The following ZC3H12B variants were observed in gnomAD, a reference collection of about 807,000 sequenced individuals.
ZC3H12B encodes zinc finger CCCH-type containing 12B.
In ZC3H12B, 7 loss-of-function variants were observed where a neutral mutation model predicts 43.9. That is an observed-to-expected ratio of 0.16 (90% CI 0.09 to 0.30). The LOEUF (loss-of-function observed/expected upper bound fraction) is 0.30, where lower values mean the gene tolerates loss of function less well. ZC3H12B is among the 10% of genes least tolerant of loss of function. The pLI, the probability that ZC3H12B is intolerant of heterozygous loss-of-function variation, is 1.00. For missense variants in ZC3H12B, 475 were observed against 670.2 expected (o/e 0.71, Z 3.22); for synonymous variants, 222 against 241.7 (o/e 0.92, Z 0.76).
At chrX:65,214,236 A>G in the ZC3H12B span, among the ~76,000 whole-genome samples, 2 of 111,254 alleles carry the variant, frequency 1.8e-5, no homozygotes, top group African/African-American at 3.3e-5. Flanking sequence ...ATTTCTTTAA[A>G]TAAAACAACA....
intron 2 of ZC3H12B, among the ~76,000 whole-genome samples, chrX:65,370,293 A>C (rs1232237093): frequency 1.8e-5 from 2 of 111,044 alleles, no homozygotes; most frequent in African/African-American, 6.6e-5. Context: ...AGATCCCTTC[A>C]TTTGAGGTCA....
At chrX:65,238,130 G>A in the ZC3H12B span, among the ~76,000 whole-genome samples, 3 of 111,574 alleles carry the variant, frequency 2.7e-5, no homozygotes, top group East Asian at 8.4e-4. Flanking sequence ...ATATGGAAGA[G>A]TCCCTCCTCG....
chrX:65,153,907 A>G, the ZC3H12B span, among the ~76,000 whole-genome samples: 1 of 111,306 alleles, frequency 9.0e-6, no homozygotes, highest in Non-Finnish European at 1.9e-5. Flanking sequence ...GCCATAAAAA[A>G]TGATGAGTTC....
At chrX:65,333,043 T>C in the ZC3H12B span, among the ~76,000 whole-genome samples, 1 of 111,758 alleles carries the variant, frequency 8.9e-6, no homozygotes, top group Non-Finnish European at 1.9e-5. Context: ...AGCCATGGTT[T>C]TGTGCCATCA....
chrX:65,325,143 T>A, the ZC3H12B span, among the ~76,000 whole-genome samples: 3 of 111,295 alleles, frequency 2.7e-5, no homozygotes, highest in Non-Finnish European at 5.7e-5. Flanking sequence ...ATGGAATACC[T>A]TTTTCTATTC....
At chrX:65,159,988 G>C in the ZC3H12B span, among the ~76,000 whole-genome samples, 1 of 111,865 alleles carries the variant, frequency 8.9e-6, no homozygotes, top group Admixed American at 9.5e-5. Context: ...GTTGAATTTT[G>C]TCAAAGGCCT....
intron 3 of ZC3H12B, among the ~76,000 whole-genome samples, chrX:65,420,795 G>A (rs1453429068): frequency 8.9e-6 from 1 of 111,936 alleles, no homozygotes. Flanking sequence ...GAATGACAAA[G>A]GATTATCATA....
At chrX:65,398,999 G>A (rs188717980) in intron 3 of ZC3H12B, among the ~76,000 whole-genome samples, 81 of 111,833 alleles carry the variant, frequency 7.2e-4, no homozygotes, top group Admixed American at 3.2e-3. Context: ...TTAGATCCCG[G>A]TCTCTCACCA....
the ZC3H12B span, among the ~76,000 whole-genome samples, chrX:65,347,160 C>G: frequency 8.9e-6 from 1 of 111,788 alleles, no homozygotes; most frequent in Non-Finnish European, 1.9e-5. Context: ...CCCACGCAAA[C>G]AGGGTCTGGA....
chrX:65,379,099 G>A (rs1314428009), intron 2 of ZC3H12B, among the ~76,000 whole-genome samples: 1 of 112,131 alleles, frequency 8.9e-6, no homozygotes, highest in Non-Finnish European at 1.9e-5. Context: ...ACTGGGTGGA[G>A]CCTGCCACAG....
chrX:65,193,768 A>G, the ZC3H12B span, among the ~76,000 whole-genome samples: 1 of 111,962 alleles, frequency 8.9e-6, no homozygotes, highest in Non-Finnish European at 1.9e-5. Context: ...ATTTTTACCT[A>G]TAAGTTTTCC....
At chrX:65,449,546 G>C (rs1227556780) in intron 3 of ZC3H12B, among the ~76,000 whole-genome samples, 2 of 110,357 alleles carry the variant, frequency 1.8e-5, no homozygotes, top group Non-Finnish European at 3.8e-5. Flanking sequence ...TTGAACCCAG[G>C]AGGTGGAGGT....
the ZC3H12B span, among the ~76,000 whole-genome samples, chrX:65,091,436 T>C: frequency 8.9e-6 from 1 of 112,540 alleles, no homozygotes; most frequent in Non-Finnish European, 1.9e-5. Context: ...ACCAAGTTTA[T>C]GGTAATTTGT....
chrX:65,433,129 G>C (rs2067183234), intron 3 of ZC3H12B, among the ~76,000 whole-genome samples: 1 of 112,709 alleles, frequency 8.9e-6, no homozygotes, highest in South Asian at 3.6e-4. Flanking sequence ...GTGTTCATTT[G>C]CTGTAGCAAT....
intron 2 of ZC3H12B, among the ~76,000 whole-genome samples, chrX:65,392,286 C>T (rs2066629660): frequency 1.8e-5 from 2 of 110,592 alleles, no homozygotes; most frequent in Admixed American, 9.5e-5. Flanking sequence ...TGAGGAGTGC[C>T]TCTTCCCGGC....
At chrX:65,454,373 C>T (rs1028972339) in intron 3 of ZC3H12B, among the ~76,000 whole-genome samples, 2 of 112,327 alleles carry the variant, frequency 1.8e-5, no homozygotes, top group Non-Finnish European at 3.8e-5. Context: ...CACAGAGCCT[C>T]GCTCATTGCT....
At chrX:65,454,391 C>A in intron 3 of ZC3H12B, among the ~76,000 whole-genome samples, 1 of 112,355 alleles carries the variant, frequency 8.9e-6, no homozygotes, top group East Asian at 2.8e-4. Context: ...GCTAGCACAG[C>A]AGTCTGAGAT....
At chrX:65,485,101 C>A (rs933672941), upstream of ZC3H12B, among the ~76,000 whole-genome samples, 2 of 112,373 alleles carry the variant, frequency 1.8e-5, no homozygotes, top group African/African-American at 6.5e-5. Context: ...GTATCTTCCA[C>A]ACGTGGCTAT....
chrX:65,160,136 T>A, the ZC3H12B span, among the ~76,000 whole-genome samples: 2 of 111,488 alleles, frequency 1.8e-5, no homozygotes, highest in Non-Finnish European at 3.8e-5. Flanking sequence ...GTGGATAAGG[T>A]TTTTGATGTG....
Sources: allele counts gnomAD v4.1 joint callset (sites outside exome capture counted in the v4.1 genomes callset), GRCh38; gene constraint gnomAD v4.1.1; transcripts MANE v1.5; gene names NCBI Gene and HGNC (gene_info 2026-07-23, HGNC 2026-07-21).